The following ZNF287 variants were observed in gnomAD, a reference collection of about 807,000 sequenced individuals.
ZNF287 encodes zinc finger protein 287.
A neutral mutation model predicts 73.7 loss-of-function variants in ZNF287; 31 were observed. The observed-to-expected ratio is 0.42, with a 90% CI of 0.32 to 0.57. ZNF287 has a LOEUF of 0.57. Ranked by LOEUF, ZNF287 falls within the 20% of genes least tolerant of loss-of-function variation. The pLI is 0.13. For synonymous variants in ZNF287, 301 were observed against 307.2 expected, an observed-to-expected ratio of 0.98 and a Z score of 0.21; for missense variants, 641 against 909.3, an observed-to-expected ratio of 0.70 and a Z score of 3.79.
rs369498419 is a variant in ZNF287, at chr17:16,552,873, T to C, written c.1269A>G (p.Pro423=). The part of the protein sequence containing the change: ...AHQRMHTGEK[P]YECHQCGKAF... ...CTTTACCACACTGGTGGCATTCATA[T>C]GGTTTTTCTCCAGTGTGCATTCTCT... The change falls in exon 6 of 6, where the codon CCA becomes CCG. Residue 423 remains proline (P), a synonymous_variant. Coordinates refer to ENST00000395825, the MANE Select transcript of ZNF287 (RefSeq NM_020653.4). This position sits in a 1 kb window ranked among gnomAD's most constrained non-coding sequence, Gnocchi z 6.5. 2.5e-6 allele frequency: 4 copies of C among 1,614,050 alleles called. No homozygotes were observed. Among genetic ancestry groups the C allele is most frequent in the African/African-American group, 2.7e-5 (2 of 74,930 alleles).
chr17:16,559,144 G>A (rs1457839166), intron 5 of ZNF287: 4 of 152,038 alleles, frequency 2.6e-5, no homozygotes, highest in African/African-American at 9.7e-5. Flanking sequence ...AGAAACCAAT[G>A]ATCATGGTTA....
At chr17:16,567,965 C>T (rs937673459) in intron 1 of ZNF287, 36 bp from the exon 2 acceptor site, 9 of 1,389,700 alleles carry the variant, frequency 6.5e-6, no homozygotes, top group African/African-American at 4.4e-5. Flanking sequence ...GTCAAGAATC[C>T]CTGGTGTACT....
At chr17:16,564,634 C>T (rs1197383576) in intron 3 of ZNF287, among the ~76,000 whole-genome samples, 2 of 152,166 alleles carry the variant, frequency 1.3e-5, no homozygotes, top group African/African-American at 4.8e-5. Flanking sequence ...TAAATTCAGT[C>T]TTTCTTTTTA....
intron 2 of ZNF287, among the ~76,000 whole-genome samples, 174 bp from the exon 3 acceptor site, chr17:16,566,796 C>T (rs1009078838): frequency 6.6e-6 from 1 of 152,172 alleles, no homozygotes; most frequent in Non-Finnish European, 1.5e-5. Flanking sequence ...CCTAAGACAT[C>T]AAAACAGACT....
intron 5 of ZNF287, among the ~76,000 whole-genome samples, chr17:16,560,455 T>C (rs1907365382): frequency 6.6e-6 from 1 of 151,192 alleles, no homozygotes; most frequent in Admixed American, 6.6e-5. Context: ...GTTCAAGTGA[T>C]TCTCCTGCCT....
At position 16,567,955 on chromosome 17, in the gene ZNF287, G is replaced by A. The variant is rs572601171; in HGVS notation, c.-198-26C>T. Reference sequence around the variant, plus strand: ...CTGAAACACAAGCATGGACCACAAGGTCAAGAATCCCTGGTGTACTCTACT... The same window carrying A: ...CTGAAACACAAGCATGGACCACAAGATCAAGAATCCCTGGTGTACTCTACT... On this transcript the variant is annotated intron_variant, in intron 1 of 5. Coordinates refer to ENST00000395825, the MANE Select transcript of ZNF287 (RefSeq NM_020653.4). 3.6e-6 allele frequency: 5 copies of A among 1,398,358 alleles called. No individual in the cohort carries two copies. In the South Asian group the frequency reaches 6.5e-5, roughly 18 times the overall value. 86.6% of individuals were successfully genotyped at this position (1,398,358 alleles called of 1,614,324 possible). A position where few individuals can be genotyped will look rare whatever the true frequency, so the allele number is the denominator to read the frequency against.
intron 4 of ZNF287, 89 bp downstream of exon 4, chr17:16,563,610 G>A: frequency 7.1e-7 from 1 of 1,404,850 alleles, no homozygotes; most frequent in South Asian, 1.4e-5. Context: ...ATTTATTTCT[G>A]GACCCCATTT....
At chr17:16,565,190 T>TA (rs1205719907) in intron 3 of ZNF287, among the ~76,000 whole-genome samples, 1 of 151,646 alleles carries the variant, frequency 6.6e-6, no homozygotes, top group Non-Finnish European at 1.5e-5. Flanking sequence ...TCCCATCTCT[T>TA]AAAAAATCTT....
chr17:16,550,390 T>A lies in ZNF287; in HGVS notation c.*1466A>T, dbSNP rs1277982363. Among the ~76,000 whole-genome samples, 1 of 152,216 alleles carries A rather than the reference T, an allele frequency of 6.6e-6. No homozygotes were observed. The highest frequency in any genetic ancestry group is 6.5e-5 in the Admixed American group (1 of 15,274). ...ATTTCATAGGCAAAGCAAGTCCAAT[T>A]ACATTTCATGTTATAGCAATTATCT... On this transcript the variant is annotated 3_prime_UTR_variant, in exon 6 of 6. Coordinates refer to ENST00000395825, the MANE Select transcript of ZNF287 (RefSeq NM_020653.4).
At position 16,567,737 on chromosome 17, in the gene ZNF287, C is replaced by T; in HGVS notation, c.-6G>A. 1 of 1,599,452 alleles carries T rather than the reference C, an allele frequency of 6.3e-7. No individual in the cohort carries two copies. The highest frequency in any genetic ancestry group is 8.5e-7 in the Non-Finnish European group (1 of 1,172,376). On this transcript the variant is annotated 5_prime_UTR_variant, in exon 2 of 6. Coordinates refer to ENST00000395825, the MANE Select transcript of ZNF287 (RefSeq NM_020653.4). ...CTCTTGCTTGAGGCTAACATTGCTA[C>T]AGACAGGAGAGTCAATCTGGCAATA...
chr17:16,562,942 C>T (rs957030865), intron 5 of ZNF287, among the ~76,000 whole-genome samples: 1 of 152,094 alleles, frequency 6.6e-6, no homozygotes, highest in African/African-American at 2.4e-5. Flanking sequence ...AGAAGAGACA[C>T]GGGAAAAGTG....
chr17:16,556,435 C>A (rs7220797), intron 5 of ZNF287, among the ~76,000 whole-genome samples: 1 of 151,978 alleles, frequency 6.6e-6, no homozygotes, highest in Non-Finnish European at 1.5e-5. Flanking sequence ...TATAAGTTTT[C>A]TGGTTTCTAA....
In ZNF287 at chr17:16,548,133, G is replaced by C. The variant is rs369773968; in HGVS notation, c.*3723C>G. The stretch of plus-strand genomic sequence containing the variant: ...TGATGAGACAATGGATTCAGGCAAC[G>C]ATCACCGTTGGTTACTTTTTACCAG... On this transcript the variant is annotated 3_prime_UTR_variant, in exon 6 of 6. Coordinates refer to ENST00000395825, the MANE Select transcript of ZNF287 (RefSeq NM_020653.4). Among the ~76,000 whole-genome samples the C allele has an allele frequency of 9.2e-5, 14 of 152,272 alleles. No homozygotes were observed. The South Asian group carries it at 1.5e-3, about 16-fold the overall frequency.
intron 3 of ZNF287, 36 bp from the exon 4 acceptor site, chr17:16,563,861 A>G: frequency 1.2e-6 from 2 of 1,605,028 alleles, no homozygotes; most frequent in Non-Finnish European, 1.7e-6. Flanking sequence ...CAGTTCAAGA[A>G]CTAATGGCAA....
rs1376510529 is a variant in ZNF287, at chr17:16,567,822, C to T, written c.-91G>A. ...AAGTCTCATGCTAGAGTCACAAGGA[C>T]ACTATATCAAAGGCTGCTGCAGCCG... On this transcript the variant is annotated 5_prime_UTR_variant, in exon 2 of 6. Coordinates refer to ENST00000395825, the MANE Select transcript of ZNF287 (RefSeq NM_020653.4). 2 of 1,507,532 alleles carry T rather than the reference C, an allele frequency of 1.3e-6. No homozygotes were observed. Among genetic ancestry groups the T allele is most frequent in the Middle Eastern group, 2.1e-4 (1 of 4,820 alleles). 93.4% of individuals were successfully genotyped at this position (1,507,532 alleles called of 1,614,324 possible). A position where few individuals can be genotyped will look rare whatever the true frequency, so the allele number is the denominator to read the frequency against.
Position 16,567,800 on chromosome 17 carries a change from T to C in ZNF287, c.-69A>G. 6.5e-7 allele frequency: 1 copy of C among 1,529,132 alleles called. No homozygotes were observed. Among genetic ancestry groups the C allele is most frequent in the Non-Finnish European group, 8.7e-7 (1 of 1,144,252 alleles). 94.7% of individuals were successfully genotyped at this position (1,529,132 alleles called of 1,614,324 possible). On this transcript the variant is annotated 5_prime_UTR_variant, in exon 2 of 6. Transcript: ENST00000395825. ...CCAGTAGTGAGCCAACTGCTTGAAG[T>C]CTCATGCTAGAGTCACAAGGACACT...
chr17:16,563,179 C>A lies in ZNF287; in HGVS notation c.682G>T (p.Val228Leu). ...GGGCCTTCTAAAATTTCTTTTATCACCATCCATGGTTCTTCCAATATGGGA... is the reference window on the plus strand; with the variant it reads ...GGGCCTTCTAAAATTTCTTTTATCAACATCCATGGTTCTTCCAATATGGGA... Reference protein sequence around the residue: ...VIPILEEPWMVIKEILEGPSP... With the variant: ...VIPILEEPWMLIKEILEGPSP... The change falls in exon 5 of 6, where the codon GTG becomes TTG. Residue 228 changes from valine to leucine, a missense_variant. Around this residue, in one of 2 missense-constraint regions of ZNF287, gnomAD observed 357 missense variants for 442.4 expected, o/e 0.81. Coordinates refer to ENST00000395825, the MANE Select transcript of ZNF287 (RefSeq NM_020653.4). 6.2e-7 allele frequency: 1 copy of A among 1,613,754 alleles called. No individual in the cohort carries two copies. Among genetic ancestry groups the A allele is most frequent in the Non-Finnish European group, 8.5e-7 (1 of 1,179,776 alleles).
chr17:16,555,044 A>G (rs2142466545), intron 5 of ZNF287, among the ~76,000 whole-genome samples: 1 of 152,290 alleles, frequency 6.6e-6, no homozygotes, highest in East Asian at 1.9e-4. Flanking sequence ...TGGGCTCATG[A>G]CAGAATTTGG....
chr17:16,568,411 C>G (rs746015134), intron 1 of ZNF287, among the ~76,000 whole-genome samples: 9 of 152,064 alleles, frequency 5.9e-5, no homozygotes, highest in Admixed American at 2.0e-4. Context: ...TTAATGCCAG[C>G]CGATTCTAGC....
Sources: gnomAD v4.1 joint callset for allele counts (sites outside exome capture counted in the v4.1 genomes callset) on GRCh38, gnomAD v4.1.1 for gene constraint, gnomAD v4.1.1 regional missense constraint, Gnocchi (gnomAD v3.1) non-coding constraint, MANE v1.5 for transcripts, NCBI Gene and HGNC (gene_info 2026-07-23, HGNC 2026-07-21) for gene names.